PALM2AKAP2: variants seen among roughly 807,000 people sequenced by gnomAD.
The protein encoded by PALM2AKAP2 is PALM2-AKAP2 fusion protein.
Under a neutral mutation model 71.5 loss-of-function variants are expected in PALM2AKAP2, and 37 were observed. The observed-to-expected ratio is 0.52, with a 90% CI of 0.40 to 0.68. PALM2AKAP2 has a LOEUF of 0.68. Among genes scored for constraint, PALM2AKAP2 ranks in the 30% least tolerant of loss-of-function variants. PALM2AKAP2 has a pLI of 0.00. For missense variants in PALM2AKAP2, 1,224 were observed against 1,191.8 expected (o/e 1.03, Z -0.40); for synonymous variants, 468 against 478.8 (o/e 0.98, Z 0.29).
rs1832710803 is a variant in PALM2AKAP2, at chr9:110,003,061, T to C, written c.497-12893T>C. On this transcript the variant is annotated intron_variant, in intron 6 of 9. Transcript: ENST00000302798. ...TTCTGCTCTGATCTTAGTTATTTCT[T>C]GCCTTCGGCTAGCTTTTGAACGTGT... Among the ~76,000 whole-genome samples, 3 of 152,254 alleles carry C rather than the reference T, an allele frequency of 2.0e-5. No homozygotes were observed. The South Asian group carries it at 6.2e-4, about 32-fold the overall frequency.
intron 1 of PALM2AKAP2, chr9:109,640,882 C>G: frequency 6.6e-7 from 1 of 1,515,430 alleles, no homozygotes; most frequent in Non-Finnish European, 8.8e-7. Context: ...TATCCCCGAG[C>G]CGCGCCGCCA....
rs184720515 is a variant in PALM2AKAP2 at position 109,657,674 on chromosome 9, A to G, written c.5+16808A>G. On this transcript the variant is annotated intron_variant, in intron 1 of 6. Transcript: ENST00000374531. ...GGGAGCGAGTTGGTATAGTTAAATG[A>G]TAGGGTTTGGGGGTTTGAATCCTCA... 4.0e-3 allele frequency among the ~76,000 whole-genome samples: 607 copies of G among 152,268 alleles called. 3 individuals are homozygous for G. The highest frequency in any genetic ancestry group is 6.8e-3 in the Middle Eastern group (2 of 294).
Position 109,858,644 on chromosome 9 carries a change from G to A in PALM2AKAP2, c.46-8847G>A, listed in dbSNP as rs183036234. Among the ~76,000 whole-genome samples, 97 of 152,216 alleles carry A rather than the reference G, an allele frequency of 6.4e-4. 1 individual carries two copies. Among genetic ancestry groups the A allele is most frequent in the Middle Eastern group, 3.4e-3 (1 of 294 alleles). On this transcript the variant is annotated intron_variant, in intron 1 of 9. Transcript: ENST00000302798. The stretch of plus-strand genomic sequence containing the variant: ...GGATGAGATGGAGATCACATTCTTC[G>A]GGAGAGTTTGATTCTGTTATTCCTG...
chr9:109,754,811 C>T (rs12682898), intron 1 of PALM2AKAP2, among the ~76,000 whole-genome samples: 46,312 of 151,938 alleles, frequency 0.3, 7,216 homozygotes, highest in Middle Eastern at 0.4. Flanking sequence ...AATTACTCCC[C>T]GAAGGCCTCA....
At chr9:110,070,825 T>A (rs1834188057) in intron 1 of PALM2AKAP2, among the ~76,000 whole-genome samples, 1 of 152,180 alleles carries the variant, frequency 6.6e-6, no homozygotes, top group Admixed American at 6.5e-5. Flanking sequence ...TTCTGTTTTT[T>A]TCGTCTGTAA....
intron 2 of PALM2AKAP2, among the ~76,000 whole-genome samples, chr9:109,880,301 A>G (rs1362604560): frequency 6.6e-6 from 1 of 152,226 alleles, no homozygotes; most frequent in East Asian, 1.9e-4. Flanking sequence ...TTAAATCTAG[A>G]TGAGGTTACA....
At chr9:109,903,619 C>T (rs566117264) in intron 3 of PALM2AKAP2, among the ~76,000 whole-genome samples, 2 of 152,230 alleles carry the variant, frequency 1.3e-5, no homozygotes, top group East Asian at 1.9e-4. Flanking sequence ...GAACTTTCTC[C>T]TCCTAAGTAC....
At chr9:109,701,944 A>G (rs1225088259) in intron 1 of PALM2AKAP2, among the ~76,000 whole-genome samples, 2 of 152,224 alleles carry the variant, frequency 1.3e-5, no homozygotes, top group African/African-American at 4.8e-5. Flanking sequence ...ATGAACAGAC[A>G]CTTCTCAAAA....
intron 1 of PALM2AKAP2, among the ~76,000 whole-genome samples, chr9:109,825,971 C>G (rs186680976): frequency 2.0e-5 from 3 of 152,218 alleles, no homozygotes; most frequent in Admixed American, 2.0e-4. Context: ...ACCCAAATGT[C>G]CAACAATGAT....
chr9:109,732,023 C>A (rs1269873903), intron 1 of PALM2AKAP2, among the ~76,000 whole-genome samples: 1 of 152,148 alleles, frequency 6.6e-6, no homozygotes, highest in African/African-American at 2.4e-5. Flanking sequence ...TGGGTACTTT[C>A]GTGCCTTCAG....
chr9:109,687,578 G>C (rs1242041414), intron 1 of PALM2AKAP2, among the ~76,000 whole-genome samples: 1 of 152,228 alleles, frequency 6.6e-6, no homozygotes, highest in Non-Finnish European at 1.5e-5. Context: ...AAGACAGTTA[G>C]AGCCTTGATC....
rs149991448 is a variant in PALM2AKAP2 at position 109,688,966 on chromosome 9, G to A, written c.5+48100G>A. ...TGAGTTTGAGACTCCAGTTGTTATC[G>A]TCATCTGGGAAAGATCCTGCAGTTC... is the stretch of plus-strand genomic sequence containing the variant. On this transcript the variant is annotated intron_variant, in intron 1 of 6. Transcript: ENST00000374531. Among the ~76,000 whole-genome samples, 185 of 152,202 alleles carry A rather than the reference G, an allele frequency of 1.2e-3. 1 individual carries two copies. The highest frequency in any genetic ancestry group is 4.1e-3 in the African/African-American group (169 of 41,532).
chr9:110,002,459 C>T (rs879944849), intron 6 of PALM2AKAP2, among the ~76,000 whole-genome samples: 15 of 151,706 alleles, frequency 9.9e-5, no homozygotes, highest in Non-Finnish European at 2.1e-4. Context: ...ATTTTTGCAT[C>T]GATGTTCATC....
intron 1 of PALM2AKAP2, among the ~76,000 whole-genome samples, chr9:109,727,561 T>A (rs893878864): frequency 1.3e-4 from 20 of 152,224 alleles, no homozygotes; most frequent in African/African-American, 4.8e-4. Flanking sequence ...TGGCCAATGA[T>A]GAGGCAGGTA....
chr9:109,761,994 C>G (rs1829061475), intron 1 of PALM2AKAP2, among the ~76,000 whole-genome samples: 1 of 152,180 alleles, frequency 6.6e-6, no homozygotes. Flanking sequence ...GAGATACCAT[C>G]TCATGCCAGT....
intron 1 of PALM2AKAP2, among the ~76,000 whole-genome samples, chr9:109,682,271 A>C (rs1252053279): frequency 6.6e-6 from 1 of 152,216 alleles, no homozygotes; most frequent in Non-Finnish European, 1.5e-5. Context: ...AGAATGGTAT[A>C]AATGGAACTG....
At chr9:110,066,756 A>C (rs1449153179) in intron 1 of PALM2AKAP2, among the ~76,000 whole-genome samples, 1 of 151,902 alleles carries the variant, frequency 6.6e-6, no homozygotes, top group Non-Finnish European at 1.5e-5. Context: ...GTTAGAACTC[A>C]GTACTAAAAT....
chr9:109,977,706 G>A (rs1208732893), intron 6 of PALM2AKAP2, among the ~76,000 whole-genome samples: 2 of 152,198 alleles, frequency 1.3e-5, no homozygotes, highest in African/African-American at 2.4e-5. Flanking sequence ...CAAGGGTGCC[G>A]CTGGTCTGCA....
At chr9:109,643,254 C>T (rs1431747044) in intron 1 of PALM2AKAP2, among the ~76,000 whole-genome samples, 4 of 152,218 alleles carry the variant, frequency 2.6e-5, no homozygotes, top group Non-Finnish European at 5.9e-5. Context: ...GCCTGATGCA[C>T]ACTTCATTCT....
Sources: allele counts gnomAD v4.1 joint callset (sites outside exome capture counted in the v4.1 genomes callset), GRCh38; gene constraint gnomAD v4.1.1; transcripts MANE v1.5; gene names NCBI Gene and HGNC (gene_info 2026-07-23, HGNC 2026-07-21).